The following HECW2 variants were observed in gnomAD, a reference collection of about 807,000 sequenced individuals.
HECW2 encodes the protein E3 ubiquitin-protein ligase HECW2.
A neutral mutation model predicts 175.2 loss-of-function variants in HECW2; 61 were observed. The ratio of observed to expected loss-of-function variants is 0.35; its 90% CI spans 0.28 to 0.43. The LOEUF (loss-of-function observed/expected upper bound fraction) is 0.43, where lower values mean the gene tolerates loss of function less well. Ranked by LOEUF, HECW2 falls within the 20% of genes least tolerant of loss-of-function variation. The probability of loss-of-function intolerance (pLI) is 1.00; values close to 1 mark genes in which losing one functional copy is unlikely to be tolerated. For missense variants in HECW2, 1,524 were observed against 2,000.5 expected (o/e 0.76, Z 4.54); for synonymous variants, 671 against 731.0 (o/e 0.92, Z 1.32).
rs1245888471 is a variant in HECW2, at chr2:196,329,556, C to T, written c.571+19G>A. ...CTGTACACTTTCAAACTGGATGTCACGTTTAAAGACATTCTTACCTGACAA... is the reference window on the plus strand; with the variant it reads ...CTGTACACTTTCAAACTGGATGTCATGTTTAAAGACATTCTTACCTGACAA... On this transcript the variant is annotated intron_variant, in intron 5 of 28. Coordinates refer to ENST00000644978, the MANE Select transcript of HECW2 (RefSeq NM_001348768.2). The T allele has an allele frequency of 3.8e-6, 6 of 1,598,908 alleles. No homozygotes were observed. The highest frequency in any genetic ancestry group is 2.2e-5 in the East Asian group (1 of 44,786).
chr2:196,577,684 T>C (rs1395864062), intron 1 of HECW2, among the ~76,000 whole-genome samples: 2 of 152,172 alleles, frequency 1.3e-5, no homozygotes, highest in African/African-American at 2.4e-5. Flanking sequence ...GTCTTGCTGA[T>C]TGTCGAAGGT....
chr2:196,206,401 T>C (rs1559433793), intron 28 of HECW2, among the ~76,000 whole-genome samples: 1 of 152,186 alleles, frequency 6.6e-6, no homozygotes. Flanking sequence ...GTCACATGCT[T>C]ACCCTCCCTT....
intron 5 of HECW2, among the ~76,000 whole-genome samples, chr2:196,329,166 T>G (rs993539860): frequency 6.6e-6 from 1 of 152,194 alleles, no homozygotes; most frequent in African/African-American, 2.4e-5. Context: ...CTTATCCACT[T>G]TCCAATTTGC....
chr2:196,592,877 G>C (rs942880190), intron 1 of HECW2: 4 of 150,236 alleles, frequency 2.7e-5, no homozygotes, highest in African/African-American at 7.3e-5. Flanking sequence ...CCCTGCGGCC[G>C]GTCCGTGCGC....
At chr2:196,400,256 T>C (rs1321607289) in intron 2 of HECW2, among the ~76,000 whole-genome samples, 7 of 152,210 alleles carry the variant, frequency 4.6e-5, no homozygotes, top group Non-Finnish European at 7.3e-5. Flanking sequence ...AGCCTAATTA[T>C]AACTGCCAAC....
At chr2:196,322,345 A>G (rs1691978261) in intron 7 of HECW2, 133 bp downstream of exon 7, 2 of 632,766 alleles carry the variant, frequency 3.2e-6, no homozygotes, top group Non-Finnish European at 5.2e-6. Flanking sequence ...AAGTGTAAGG[A>G]CACTTTTATT....
chr2:196,352,352 A>T (rs1023044134), intron 2 of HECW2, among the ~76,000 whole-genome samples: 23 of 152,270 alleles, frequency 1.5e-4, no homozygotes, highest in African/African-American at 5.5e-4. Flanking sequence ...CTGGGTAGAA[A>T]AAAACAACAC....
chr2:196,456,040 C>G (rs1193604284), intron 1 of HECW2, among the ~76,000 whole-genome samples: 3 of 151,940 alleles, frequency 2.0e-5, no homozygotes, highest in Non-Finnish European at 2.9e-5. Context: ...ATTCATACCC[C>G]TATACTCCCA....
intron 1 of HECW2, among the ~76,000 whole-genome samples, chr2:196,583,599 T>G (rs1413204786): frequency 6.6e-6 from 1 of 152,238 alleles, no homozygotes; most frequent in Non-Finnish European, 1.5e-5. Context: ...AAGAAAGTTC[T>G]GAGATGAGAG....
At chr2:196,235,062 A>C (rs1307691866) in intron 21 of HECW2, among the ~76,000 whole-genome samples, 1 of 152,060 alleles carries the variant, frequency 6.6e-6, no homozygotes, top group Non-Finnish European at 1.5e-5. Flanking sequence ...CTAATCAACT[A>C]AAGTATTTGT....
At chr2:196,301,028 C>A (rs1170936064) in intron 13 of HECW2, among the ~76,000 whole-genome samples, 2 of 151,850 alleles carry the variant, frequency 1.3e-5, no homozygotes. Context: ...CTCGCCCTCT[C>A]CCTACCCCAC....
At chr2:196,324,838 A>T in intron 6 of HECW2, 142 bp downstream of exon 6, 2 of 540,730 alleles carry the variant, frequency 3.7e-6, no homozygotes, top group Non-Finnish European at 6.3e-6. Context: ...AGATGGGAAT[A>T]GCTCATTCTC....
Position 196,508,934 on chromosome 2 carries a change from G to C in HECW2, c.-35-75476C>G, listed in dbSNP as rs575257009. Among the ~76,000 whole-genome samples, 59 of 152,140 alleles carry C rather than the reference G, an allele frequency of 3.9e-4. 1 individual carries two copies. Among genetic ancestry groups the C allele is most frequent in the Middle Eastern group, 3.2e-3 (1 of 316 alleles). On this transcript the variant is annotated intron_variant, in intron 1 of 28. Transcript: ENST00000644978. The stretch of plus-strand genomic sequence containing the variant: ...ATACAAAAAATTAGCCAGGCGTGGT[G>C]GTGGGCGCCTGTAGTCCCAGCTACT...
At chr2:196,515,596 G>A (rs1688120449) in intron 1 of HECW2, among the ~76,000 whole-genome samples, 1 of 151,894 alleles carries the variant, frequency 6.6e-6, no homozygotes, top group African/African-American at 2.4e-5. Context: ...AACCCAAAAG[G>A]GTATCAAACC....
intron 19 of HECW2, among the ~76,000 whole-genome samples, chr2:196,253,102 T>C (rs916695121): frequency 6.6e-6 from 1 of 152,240 alleles, no homozygotes; most frequent in Admixed American, 6.5e-5. Context: ...CTTTTCCTGT[T>C]TGCAGTATCC....
intron 1 of HECW2, among the ~76,000 whole-genome samples, chr2:196,490,561 C>T (rs1243359388): frequency 6.6e-6 from 1 of 152,120 alleles, no homozygotes; most frequent in African/African-American, 2.4e-5. Flanking sequence ...AGAAGTTAAA[C>T]ATACATTTAC....
intron 12 of HECW2, 44 bp from the exon 13 acceptor site, chr2:196,306,656 T>C (rs1033346852): frequency 3.2e-6 from 5 of 1,560,282 alleles, no homozygotes; most frequent in Non-Finnish European, 4.3e-6. Flanking sequence ...AATCTTTCTA[T>C]GATGTGAAAA....
intron 1 of HECW2, among the ~76,000 whole-genome samples, chr2:196,457,212 G>C (rs1022955205): frequency 1.3e-5 from 2 of 152,206 alleles, no homozygotes; most frequent in African/African-American, 4.8e-5. Context: ...ATCACATCAA[G>C]TTTCAATGGC....
intron 2 of HECW2, among the ~76,000 whole-genome samples, chr2:196,371,499 T>C (rs1693908816): frequency 6.6e-6 from 1 of 152,222 alleles, no homozygotes; most frequent in African/African-American, 2.4e-5. Context: ...ATGTGGGCCA[T>C]GGGTAAGTGC....
Sources: allele counts gnomAD v4.1 joint callset (sites outside exome capture counted in the v4.1 genomes callset), GRCh38; gene constraint gnomAD v4.1.1; transcripts MANE v1.5; gene names NCBI Gene and HGNC (gene_info 2026-07-23, HGNC 2026-07-21).